The following OCA2 variants were observed in gnomAD, a reference collection of about 807,000 sequenced individuals.
The protein encoded by OCA2 is P protein.
In OCA2, 77 loss-of-function variants were observed where a neutral mutation model predicts 100.2. The ratio of observed to expected loss-of-function variants is 0.77; its 90% CI spans 0.64 to 0.93. The LOEUF (loss-of-function observed/expected upper bound fraction) is 0.93. OCA2 is among the 40% of genes least tolerant of loss of function. The pLI, the probability that OCA2 is intolerant of heterozygous loss-of-function variation, is 0.00. For missense variants in OCA2, 1,062 were observed against 1,089.1 expected (o/e 0.98, Z 0.35); for synonymous variants, 432 against 439.2 (o/e 0.98, Z 0.21).
In OCA2 at chr15:27,846,355, C is replaced by G. The variant is rs1295441963; in HGVS notation, c.2339-1303G>C. On this transcript the variant is annotated intron_variant, in intron 22 of 23. Coordinates refer to ENST00000354638, the MANE Select transcript of OCA2 (RefSeq NM_000275.3). The stretch of plus-strand genomic sequence containing the variant: ...CCACAAAGAAGCCGATGTTCCTCAG[C>G]AGGCCCTGCCCTGCTCAGCCCCAAG... 2.0e-5 allele frequency among the ~76,000 whole-genome samples: 3 copies of G among 152,260 alleles called. No homozygotes were observed. The East Asian group carries it at 5.8e-4, about 30-fold the overall frequency.
intron 2 of OCA2, among the ~76,000 whole-genome samples, chr15:28,058,951 C>A (rs536600970): frequency 6.6e-6 from 1 of 152,278 alleles, no homozygotes; most frequent in African/African-American, 2.4e-5. Context: ...TCCCCAAGGG[C>A]CCCGCAGATG....
rs151323399 is a variant in OCA2 at position 28,011,025 on chromosome 15, C to G, written c.1044+3751G>C. Among the ~76,000 whole-genome samples, 803 of 152,272 alleles carry G rather than the reference C, an allele frequency of 5.3e-3. 12 individuals are homozygous for G. Among genetic ancestry groups the G allele is most frequent in the Admixed American group, 0.04 (613 of 15,288 alleles). Reference sequence around the variant, plus strand: ...GAATAGAGAACCCAGAGAGATACCCCACAAATATGTCCGATTAATTTTTAA... The same window carrying G: ...GAATAGAGAACCCAGAGAGATACCCGACAAATATGTCCGATTAATTTTTAA... On this transcript the variant is annotated intron_variant, in intron 9 of 23. Coordinates refer to ENST00000354638, the MANE Select transcript of OCA2 (RefSeq NM_000275.3).
At chr15:27,824,231 G>A (rs1480281165) in intron 23 of OCA2, among the ~76,000 whole-genome samples, 1 of 152,116 alleles carries the variant, frequency 6.6e-6, no homozygotes, top group Non-Finnish European at 1.5e-5. Context: ...AGCTGGGCAT[G>A]GTGGCAGGTG....
intron 14 of OCA2, among the ~76,000 whole-genome samples, chr15:27,979,461 C>G (rs1273828039): frequency 1.3e-5 from 2 of 152,096 alleles, no homozygotes; most frequent in African/African-American, 2.4e-5. Context: ...TTAACTCTTG[C>G]AATTTGTTTT....
At chr15:27,946,541 T>C (rs1322826206) in intron 18 of OCA2, among the ~76,000 whole-genome samples, 2 of 152,248 alleles carry the variant, frequency 1.3e-5, no homozygotes, top group Admixed American at 6.5e-5. Context: ...TTTTTGTCTA[T>C]AAGTTTGTTC....
intron 2 of OCA2, among the ~76,000 whole-genome samples, chr15:28,054,982 T>C (rs1327088291): frequency 6.6e-6 from 1 of 152,164 alleles, no homozygotes; most frequent in Non-Finnish European, 1.5e-5. Flanking sequence ...CAGAATAGCA[T>C]GGGGGAAACC....
chr15:28,000,736 A>G (rs1313212711), intron 9 of OCA2, among the ~76,000 whole-genome samples: 1 of 152,208 alleles, frequency 6.6e-6, no homozygotes, highest in African/African-American at 2.4e-5. Context: ...AATATTGAAC[A>G]TATGTAAGGA....
chr15:27,768,197 C>CT (rs1244176515), intron 23 of OCA2, among the ~76,000 whole-genome samples: 1 of 152,202 alleles, frequency 6.6e-6, no homozygotes, highest in African/African-American at 2.4e-5. Context: ...CTCCACCGCC[C>CT]TACAGGGACC....
intron 2 of OCA2, among the ~76,000 whole-genome samples, chr15:28,060,695 A>G (rs2043846904): frequency 6.6e-6 from 1 of 152,212 alleles, no homozygotes; most frequent in Admixed American, 6.5e-5. Flanking sequence ...GCCAAGTCTC[A>G]GTGAGAAAAT....
intron 20 of OCA2, 67 bp downstream of exon 20, chr15:27,871,796 T>C: frequency 8.5e-7 from 1 of 1,173,580 alleles, no homozygotes; most frequent in Non-Finnish European, 1.3e-6. Flanking sequence ...TGCTTTTTTT[T>C]TTTAATTTTT....
chr15:28,081,794 T>A lies in OCA2; in HGVS notation c.81A>T (p.Gly27=), dbSNP rs775215011. The A allele has an allele frequency of 6.2e-7, 1 of 1,612,788 alleles. No individual in the cohort carries two copies. The highest frequency in any genetic ancestry group is 2.2e-5 in the East Asian group (1 of 44,852). The stretch of plus-strand genomic sequence containing the variant: ...GCTTGCCGGCCACAAGTTCAGCGAG[T>A]CCGCTGGGCACGGACGTCTGCAGGA... ...VELLQTSVPS[G]LAELVAGKRR... Residue 27 remains glycine, a synonymous_variant, in exon 2 of 24, where the codon GGA becomes GGT. Transcript: ENST00000354638.
intron 14 of OCA2, among the ~76,000 whole-genome samples, chr15:27,969,927 ATGAAG>A (rs2140863320): frequency 6.7e-6 from 1 of 150,284 alleles, no homozygotes; most frequent in African/African-American, 2.4e-5. Flanking sequence ...AAAGCTTCTT[ATGAAG>A]TGTTTAGCTG....
intron 19 of OCA2, among the ~76,000 whole-genome samples, chr15:27,885,060 C>T (rs554850609): frequency 2.2e-4 from 34 of 152,226 alleles, no homozygotes; most frequent in Admixed American, 2.2e-3. Flanking sequence ...CTTAACATTT[C>T]TCAAGACAGT....
At chr15:28,050,761 C>G (rs1176033864) in intron 2 of OCA2, among the ~76,000 whole-genome samples, 1 of 152,140 alleles carries the variant, frequency 6.6e-6, no homozygotes, top group African/African-American at 2.4e-5. Flanking sequence ...CTCTCCTGGA[C>G]ATGAGGCCAC....
intron 14 of OCA2, among the ~76,000 whole-genome samples, chr15:27,974,343 C>T (rs2040898086): frequency 6.6e-6 from 1 of 152,212 alleles, no homozygotes; most frequent in Non-Finnish European, 1.5e-5. Context: ...AAATGTATGG[C>T]TGTGCTGTCA....
chr15:28,085,119 C>A (rs1386716990), intron 1 of OCA2, among the ~76,000 whole-genome samples: 1 of 152,114 alleles, frequency 6.6e-6, no homozygotes, highest in African/African-American at 2.4e-5. Flanking sequence ...CTGTAGAAAA[C>A]CTTCCTTGCT....
At chr15:27,722,720 C>T in the OCA2 span, among the ~76,000 whole-genome samples, 3 of 90,512 alleles carry the variant, frequency 3.3e-5, no homozygotes, top group South Asian at 3.5e-4. Flanking sequence ...TTCTTTCTCT[C>T]TTTCTTCTTT....
intron 10 of OCA2, among the ~76,000 whole-genome samples, chr15:27,989,959 T>TA (rs537791039): frequency 9.7e-4 from 148 of 152,310 alleles, no homozygotes; most frequent in African/African-American, 3.4e-3. Context: ...GTGGAGTCTG[T>TA]ATGTGCTCTC....
Position 27,821,473 on chromosome 15 carries a change from T to C in OCA2, c.2432+23486A>G, listed in dbSNP as rs1036115696. ...ATGGATGCACACATGCAGGCACAACTATGCATATGCACGCACACCCACACA... is the reference window on the plus strand; with the variant it reads ...ATGGATGCACACATGCAGGCACAACCATGCATATGCACGCACACCCACACA... On this transcript the variant is annotated intron_variant, in intron 23 of 23. Transcript: ENST00000354638. 7.9e-5 allele frequency among the ~76,000 whole-genome samples: 12 copies of C among 151,824 alleles called. 1 individual carries two copies. Among genetic ancestry groups the C allele is most frequent in the African/African-American group, 2.9e-4 (12 of 41,304 alleles).
Sources: allele counts gnomAD v4.1 joint callset (sites outside exome capture counted in the v4.1 genomes callset), GRCh38; gene constraint gnomAD v4.1.1; transcripts MANE v1.5; gene names NCBI Gene and HGNC (gene_info 2026-07-23, HGNC 2026-07-21).